Variants in KDM5A observed in about 807,000 individuals in gnomAD.
KDM5A encodes the protein lysine-specific demethylase 5A.
A neutral mutation model predicts 193.5 loss-of-function variants in KDM5A; 42 were observed. That is an observed-to-expected ratio of 0.22 (90% CI 0.17 to 0.28). KDM5A has a LOEUF of 0.28. Ranked by LOEUF, KDM5A falls within the 10% of genes least tolerant of loss-of-function variation. The pLI is 1.00. For synonymous variants in KDM5A, 796 were observed against 718.1 expected, an observed-to-expected ratio of 1.11 and a Z score of -1.73; for missense variants, 1,692 against 2,055.1, an observed-to-expected ratio of 0.82 and a Z score of 3.42.
At chr12:363,526 C>A (rs1475890386) in intron 4 of KDM5A, among the ~76,000 whole-genome samples, 1 of 152,160 alleles carries the variant, frequency 6.6e-6, no homozygotes, top group Non-Finnish European at 1.5e-5. Context: ...AAAGGATAGC[C>A]TTTTAAACAA....
At chr12:372,622 C>T (rs1225617345) in intron 3 of KDM5A, among the ~76,000 whole-genome samples, 1 of 152,164 alleles carries the variant, frequency 6.6e-6, no homozygotes, top group African/African-American at 2.4e-5. Context: ...GAACTTCCAA[C>T]ACTATGTTGA....
At chr12:298,732 TG>T (rs1351777443) in intron 24 of KDM5A, among the ~76,000 whole-genome samples, 2 of 151,968 alleles carry the variant, frequency 1.3e-5, no homozygotes, top group African/African-American at 4.8e-5. Context: ...CTTCAGAAGG[TG>T]GGTAATAACA....
chr12:388,846 G>A (rs1944684881), intron 1 of KDM5A, 81 bp downstream of exon 1: 1 of 1,471,818 alleles, frequency 6.8e-7, no homozygotes, highest in Non-Finnish European at 9.5e-7. Context: ...ACGAGACAAG[G>A]ATCAGAAAAG....
At chr12:300,045 T>C (rs1389602419) in intron 24 of KDM5A, among the ~76,000 whole-genome samples, 1 of 151,766 alleles carries the variant, frequency 6.6e-6, no homozygotes, top group African/African-American at 2.4e-5. Flanking sequence ...AGCAAGTTCT[T>C]AGAGACCTAC....
chr12:310,325 G>A (rs1407836736), intron 21 of KDM5A, among the ~76,000 whole-genome samples: 1 of 152,146 alleles, frequency 6.6e-6, no homozygotes, highest in Non-Finnish European at 1.5e-5. Context: ...TTGTGCTTCG[G>A]AGAAATACGA....
At chr12:362,754 G>A (rs1214701689) in intron 5 of KDM5A, among the ~76,000 whole-genome samples, 6 of 152,160 alleles carry the variant, frequency 3.9e-5, no homozygotes, top group Admixed American at 3.9e-4. Flanking sequence ...GGCCTCCCGT[G>A]ACCAGGTAAC....
intron 10 of KDM5A, among the ~76,000 whole-genome samples, chr12:344,726 T>C (rs1944048693): frequency 6.6e-6 from 1 of 152,214 alleles, no homozygotes; most frequent in Admixed American, 6.5e-5. Flanking sequence ...TGAGAGATTT[T>C]GTCACCACCA....
At chr12:308,090 T>A in intron 22 of KDM5A, 85 bp from the exon 23 acceptor site, 1 of 1,425,090 alleles carries the variant, frequency 7.0e-7, no homozygotes, top group Non-Finnish European at 9.8e-7. Flanking sequence ...GGGATCTTTC[T>A]CCCAAGTTAT....
In KDM5A at chr12:285,156, A is replaced by T; in HGVS notation, c.*300T>A. On this transcript the variant is annotated 3_prime_UTR_variant, in exon 28 of 28. Coordinates refer to ENST00000399788, the MANE Select transcript of KDM5A (RefSeq NM_001042603.3). The stretch of plus-strand genomic sequence containing the variant: ...GCCCTGTTAGCACACCAATGTATTA[A>T]TACTAACCAGCCACCCTAGAGCTCA... 6 of 482,590 alleles carry T rather than the reference A, an allele frequency of 1.2e-5. No individual in the cohort carries two copies. The South Asian group carries it at 1.4e-4, about 11-fold the overall frequency. 29.9% of individuals were successfully genotyped at this position (482,590 alleles called of 1,614,324 possible).
At chr12:317,873 G>A (rs754017348) in intron 19 of KDM5A, among the ~76,000 whole-genome samples, 1 of 152,176 alleles carries the variant, frequency 6.6e-6, no homozygotes, top group Non-Finnish European at 1.5e-5. Context: ...ACCTCTCCAG[G>A]AGCTGCCTGC....
chr12:321,258 C>G, intron 17 of KDM5A, 149 bp from the exon 18 acceptor site: 4 of 661,124 alleles, frequency 6.1e-6, no homozygotes, highest in Non-Finnish European at 1.1e-5. Context: ...CACTTCAAAA[C>G]AGTTGAGTTA....
intron 5 of KDM5A, among the ~76,000 whole-genome samples, chr12:358,554 C>T (rs1944254208): frequency 6.6e-6 from 1 of 152,146 alleles, no homozygotes; most frequent in Admixed American, 6.5e-5. Flanking sequence ...TTAGTCCTTA[C>T]AACAACCTTT....
At chr12:328,746 G>A (rs1348296890) in intron 14 of KDM5A, 89 bp downstream of exon 14, 3 of 1,124,464 alleles carry the variant, frequency 2.7e-6, no homozygotes, top group East Asian at 2.4e-5. Context: ...CAACTCCTAG[G>A]GGATAAGGGA....
chr12:335,666 T>G (rs907269424), intron 10 of KDM5A, among the ~76,000 whole-genome samples: 8 of 152,130 alleles, frequency 5.3e-5, no homozygotes, highest in African/African-American at 1.9e-4. Context: ...TAAAGAGAAT[T>G]TGTGAACTAG....
At chr12:371,123 A>G (rs1350692844) in intron 3 of KDM5A, among the ~76,000 whole-genome samples, 1 of 152,208 alleles carries the variant, frequency 6.6e-6, no homozygotes, top group African/African-American at 2.4e-5. Context: ...TCCTTTGGGT[A>G]TATACCCAGT....
At position 389,117 on chromosome 12, in the gene KDM5A, TC is replaced by T. The variant is rs2137508887; in HGVS notation, c.-27del. On this transcript the variant is annotated 5_prime_UTR_variant, in exon 1 of 28. Transcript: ENST00000399788. ...TGCAACGGCCGGGGGGGGGGGGGGGTCCCCGTGGGGAACCGGTGGAGAAAAG... is the reference window on the plus strand; with the variant it reads ...TGCAACGGCCGGGGGGGGGGGGGGGTCCCGTGGGGAACCGGTGGAGAAAAG... 3 of 1,171,228 alleles carry T rather than the reference TC, an allele frequency of 2.6e-6. No homozygotes were observed. The highest frequency in any genetic ancestry group is 1.8e-5 in the South Asian group (1 of 55,944). 72.6% of individuals were successfully genotyped at this position (1,171,228 alleles called of 1,614,324 possible). A position where few individuals can be genotyped will look rare whatever the true frequency, so the allele number is the denominator to read the frequency against.
intron 4 of KDM5A, among the ~76,000 whole-genome samples, chr12:363,314 T>C (rs988010825): frequency 6.6e-6 from 1 of 152,156 alleles, no homozygotes; most frequent in African/African-American, 2.4e-5. Flanking sequence ...ATATAAGTTG[T>C]TTAGAAATTT....
chr12:375,834 C>T (rs1944495967), intron 3 of KDM5A, among the ~76,000 whole-genome samples: 1 of 152,206 alleles, frequency 6.6e-6, no homozygotes, highest in Non-Finnish European at 1.5e-5. Flanking sequence ...TTGGAGTTTG[C>T]TGGAGGTCCA....
chr12:379,925 T>C (rs144497994), intron 3 of KDM5A, among the ~76,000 whole-genome samples: 124 of 152,312 alleles, frequency 8.1e-4, no homozygotes, highest in East Asian at 4.6e-3. Context: ...TCAGACTAGG[T>C]TACCTCTAAA....
Sources: allele counts gnomAD v4.1 joint callset (sites outside exome capture counted in the v4.1 genomes callset), GRCh38; gene constraint gnomAD v4.1.1; transcripts MANE v1.5; gene names NCBI Gene and HGNC (gene_info 2026-07-23, HGNC 2026-07-21).